MAML3: variants seen among roughly 807,000 people sequenced by gnomAD.
MAML3 encodes the protein mastermind like transcriptional coactivator 3.
Under a neutral mutation model 101.9 loss-of-function variants are expected in MAML3, and 27 were observed. The ratio of observed to expected loss-of-function variants is 0.27; its 90% CI spans 0.20 to 0.37. The LOEUF (loss-of-function observed/expected upper bound fraction) is 0.37, where lower values mean the gene tolerates loss of function less well. Ranked by LOEUF, MAML3 falls within the 10% of genes least tolerant of loss-of-function variation. The pLI is 1.00. For missense variants in MAML3, 1,316 were observed against 1,444.9 expected (o/e 0.91, Z 1.45); for synonymous variants, 501 against 555.9 (o/e 0.90, Z 1.39).
At chr4:139,792,805 T>C (rs1380775063) in intron 2 of MAML3, among the ~76,000 whole-genome samples, 2 of 151,136 alleles carry the variant, frequency 1.3e-5, no homozygotes, top group African/African-American at 4.9e-5. Flanking sequence ...AGTGCAGTGG[T>C]GCAATCTCGG....
intron 1 of MAML3, among the ~76,000 whole-genome samples, chr4:139,996,741 T>A (rs1734825104): frequency 6.6e-6 from 1 of 151,936 alleles, no homozygotes; most frequent in South Asian, 2.1e-4. Context: ...TGCCTTTTGA[T>A]TTGAGTGGTT....
chr4:139,935,985 A>G lies in MAML3; in HGVS notation c.469-45018T>C, dbSNP rs140367361. Among the ~76,000 whole-genome samples the G allele has an allele frequency of 2.0e-5, 3 of 152,310 alleles. No individual in the cohort carries two copies. In the East Asian group the frequency reaches 5.8e-4, roughly 29 times the overall value. On this transcript the variant is annotated intron_variant, in intron 1 of 4. Transcript: ENST00000509479. ...ATTGTACATTATATCCCTGGAACTT[A>G]TCTATCCAGCATAACTGAAACTTTG...
chr4:139,771,997 T>A lies in MAML3; in HGVS notation c.2080-41330A>T, dbSNP rs546133972. On this transcript the variant is annotated intron_variant, in intron 2 of 4. Transcript: ENST00000509479. Reference sequence around the variant, plus strand: ...GCTCACGCCTGTAATCCCAGCACTTTGGGAGGCCGAGGTGGGCGGATCACG... The same window carrying A: ...GCTCACGCCTGTAATCCCAGCACTTAGGGAGGCCGAGGTGGGCGGATCACG... Among the ~76,000 whole-genome samples, 436 of 149,794 alleles carry A rather than the reference T, an allele frequency of 2.9e-3. 3 individuals carry two copies. Among genetic ancestry groups the A allele is most frequent in the African/African-American group, 9.7e-3 (397 of 40,880 alleles).
At chr4:140,133,326 C>A (rs72935797) in intron 1 of MAML3, among the ~76,000 whole-genome samples, 4,808 of 152,252 alleles carry the variant, frequency 0.032, 219 homozygotes, top group African/African-American at 0.11. Context: ...TTATGAACAA[C>A]CAGCCACTAA....
intron 1 of MAML3, among the ~76,000 whole-genome samples, chr4:139,932,054 T>A (rs915765902): frequency 3.9e-5 from 6 of 152,246 alleles, no homozygotes; most frequent in Non-Finnish European, 7.4e-5. Context: ...ATTTTTTGAT[T>A]TGCTTACTAC....
At chr4:139,911,346 T>G (rs1732916617) in intron 1 of MAML3, among the ~76,000 whole-genome samples, 1 of 151,950 alleles carries the variant, frequency 6.6e-6, no homozygotes, top group Non-Finnish European at 1.5e-5. Context: ...GCCTCCTGAG[T>G]GGCTGGGACT....
intron 1 of MAML3, among the ~76,000 whole-genome samples, chr4:139,940,649 G>A (rs759765018): frequency 2.0e-5 from 3 of 152,162 alleles, no homozygotes; most frequent in Non-Finnish European, 2.9e-5. Flanking sequence ...AATGAGCCCC[G>A]ATACTCATGT....
chr4:139,879,536 AAAAAG>A (rs537880265), intron 2 of MAML3, among the ~76,000 whole-genome samples: 7 of 148,542 alleles, frequency 4.7e-5, no homozygotes, highest in African/African-American at 1.8e-4. Context: ...AAAAAAAAAA[AAAAAG>A]AAAAGAAAAG....
chr4:139,770,305 T>C (rs1345587185), intron 2 of MAML3, among the ~76,000 whole-genome samples: 1 of 152,186 alleles, frequency 6.6e-6, no homozygotes, highest in Non-Finnish European at 1.5e-5. Flanking sequence ...GAATTAAGTA[T>C]ATAGTATCGG....
intron 2 of MAML3, among the ~76,000 whole-genome samples, chr4:139,846,336 T>C (rs1468824272): frequency 1.3e-5 from 2 of 152,192 alleles, no homozygotes; most frequent in African/African-American, 4.8e-5. Context: ...TATTTAAAGA[T>C]GTATTTTATT....
At chr4:139,872,829 G>A (rs147862661) in intron 2 of MAML3, among the ~76,000 whole-genome samples, 7,308 of 152,086 alleles carry the variant, frequency 0.048, 585 homozygotes, top group African/African-American at 0.17. Context: ...TGTAATCCCA[G>A]CACTTTGGGA....
intron 2 of MAML3, among the ~76,000 whole-genome samples, chr4:139,731,742 A>AG (rs377711981): frequency 5.9e-5 from 9 of 152,340 alleles, no homozygotes; most frequent in African/African-American, 2.2e-4. Flanking sequence ...ACTGGTCCTT[A>AG]GGGAAGAGGA....
intron 1 of MAML3, among the ~76,000 whole-genome samples, chr4:140,059,663 T>A (rs955131456): frequency 6.6e-6 from 1 of 152,202 alleles, no homozygotes; most frequent in African/African-American, 2.4e-5. Flanking sequence ...AGGTCAAATT[T>A]CATAAATTCA....
chr4:139,750,803 C>T (rs1729476805), intron 2 of MAML3, among the ~76,000 whole-genome samples: 2 of 152,226 alleles, frequency 1.3e-5, no homozygotes. Flanking sequence ...TTCTCATCTT[C>T]AGGTCTCATC....
chr4:140,000,155 G>GT (rs1036057348), intron 1 of MAML3, among the ~76,000 whole-genome samples: 3 of 152,156 alleles, frequency 2.0e-5, no homozygotes, highest in Non-Finnish European at 4.4e-5. Context: ...TGTTGCTAAG[G>GT]TTAAACAGCA....
intron 1 of MAML3, among the ~76,000 whole-genome samples, chr4:140,084,559 G>A (rs1727920766): frequency 6.6e-6 from 1 of 151,766 alleles, no homozygotes; most frequent in Admixed American, 6.6e-5. Context: ...CTGTATCTGA[G>A]TATTTATGTC....
chr4:139,839,788 A>G (rs1486073406), intron 2 of MAML3, among the ~76,000 whole-genome samples: 1 of 152,110 alleles, frequency 6.6e-6, no homozygotes, highest in Non-Finnish European at 1.5e-5. Context: ...ATGACTGCTG[A>G]TTATAAATGA....
At chr4:140,017,652 T>A (rs973980122) in intron 1 of MAML3, among the ~76,000 whole-genome samples, 3 of 151,556 alleles carry the variant, frequency 2.0e-5, no homozygotes, top group Admixed American at 2.0e-4. Flanking sequence ...CAACAGAGAA[T>A]CATGCTGAGC....
At chr4:140,053,782 G>A (rs1727308454) in intron 1 of MAML3, among the ~76,000 whole-genome samples, 1 of 152,026 alleles carries the variant, frequency 6.6e-6, no homozygotes, top group Middle Eastern at 3.2e-3. Context: ...CTTTATTTCT[G>A]GACACTAAAA....
Sources: gnomAD v4.1 joint callset for allele counts (sites outside exome capture counted in the v4.1 genomes callset) on GRCh38, gnomAD v4.1.1 for gene constraint, MANE v1.5 for transcripts, NCBI Gene and HGNC (gene_info 2026-07-23, HGNC 2026-07-21) for gene names.